The following BMP8A variants were observed in gnomAD, a reference collection of about 807,000 sequenced individuals.
BMP8A encodes the protein BMP-8A.
A neutral mutation model predicts 36.8 loss-of-function variants in BMP8A; 14 were observed. That is an observed-to-expected ratio of 0.38 (90% CI 0.25 to 0.60). The LOEUF is 0.60. Among genes scored for constraint, BMP8A ranks in the 20% least tolerant of loss-of-function variants. BMP8A has a pLI of 0.63. For synonymous variants in BMP8A, 120 were observed against 237.7 expected (o/e 0.50, Z 4.55); for missense variants, 267 against 551.1 (o/e 0.48, Z 5.16).
At chr1:39,517,010 G>GCAGGTT (rs1393952800) in intron 3 of BMP8A, among the ~76,000 whole-genome samples, 3 of 151,360 alleles carry the variant, frequency 2.0e-5, no homozygotes, top group Non-Finnish European at 4.4e-5. Flanking sequence ...TTTTTTTGAG[G>GCAGGTT]CAGGGTCTGG....
In BMP8A at chr1:39,515,769, G is replaced by A. The variant is rs543145851; in HGVS notation, c.673+3865G>A. The A allele has an allele frequency of 4.6e-5, 73 of 1,592,612 alleles. 5 individuals are homozygous for A. In the Middle Eastern group the frequency reaches 5.0e-4, roughly 11 times the overall value. On this transcript the variant is annotated intron_variant, in intron 3 of 6. Coordinates refer to ENST00000331593, the MANE Select transcript of BMP8A (RefSeq NM_181809.4). ...ATAAAGGGGCAGAAATACGAGAAAC[G>A]AATTGAGCGCTTAACGATCCGGAAA...
chr1:39,509,736 T>C (rs879037), intron 1 of BMP8A, among the ~76,000 whole-genome samples: 74,815 of 152,044 alleles, frequency 0.49, 19,581 homozygotes, highest in South Asian at 0.77. Context: ...CAAACCTGAC[T>C]GTGGTCACTG....
rs1255748819 is a variant in BMP8A at position 39,529,325 on chromosome 1, C to T, written c.*3527C>T. ...CTATGCTTTTCATCAAAAACCTAAA[C>T]GTGATCATCTCTTGGATGAGGTGTG... On this transcript the variant is annotated 3_prime_UTR_variant, in exon 7 of 7. Transcript: ENST00000331593. Among the ~76,000 whole-genome samples, 2 of 152,240 alleles carry T rather than the reference C, an allele frequency of 1.3e-5. No individual in the cohort carries two copies. Among genetic ancestry groups the T allele is most frequent in the Non-Finnish European group, 2.9e-5 (2 of 68,046 alleles).
At chr1:39,506,497 G>A (rs574838935) in intron 1 of BMP8A, among the ~76,000 whole-genome samples, 176 of 151,806 alleles carry the variant, frequency 1.2e-3, no homozygotes, top group African/African-American at 4.0e-3. Flanking sequence ...GTGAGCCACC[G>A]CGCCCCCCCC....
At chr1:39,496,077 C>T (rs1645202700) in intron 1 of BMP8A, among the ~76,000 whole-genome samples, 3 of 152,216 alleles carry the variant, frequency 2.0e-5, no homozygotes, top group Admixed American at 2.0e-4. Context: ...CCCTTGCCAG[C>T]CGTGTGACCT....
intron 6 of BMP8A, chr1:39,523,548 G>A (rs1333094746): frequency 5.1e-6 from 7 of 1,383,670 alleles, no homozygotes; most frequent in Non-Finnish European, 6.6e-6. Context: ...GGGTGTGCGT[G>A]TGCACTCACC....
At chr1:39,507,690 G>A (rs1645313699) in intron 1 of BMP8A, among the ~76,000 whole-genome samples, 1 of 152,220 alleles carries the variant, frequency 6.6e-6, no homozygotes, top group East Asian at 1.9e-4. Context: ...GGTTCTATGG[G>A]AAGGTGGGGG....
chr1:39,508,736 GAAAGGGC>G (rs1434357379), intron 1 of BMP8A, among the ~76,000 whole-genome samples: 1 of 152,198 alleles, frequency 6.6e-6, no homozygotes, highest in Admixed American at 6.5e-5. Context: ...CTCCAGCAAA[GAAAGGGC>G]ACTCCCTTTG....
At chr1:39,506,632 A>C (rs2124342944) in intron 1 of BMP8A, among the ~76,000 whole-genome samples, 1 of 152,332 alleles carries the variant, frequency 6.6e-6, no homozygotes, top group Non-Finnish European at 1.5e-5. Flanking sequence ...AGATCTAAAT[A>C]ATCCTAAAGT....
chr1:39,505,985 CCAA>C (rs1259381274), intron 1 of BMP8A, among the ~76,000 whole-genome samples: 12 of 93,908 alleles, frequency 1.3e-4, no homozygotes, highest in Admixed American at 8.4e-4. Context: ...GACCCTGTCT[CCAA>C]AAAAAAAAAA....
chr1:39,491,852 C>A lies in BMP8A; in HGVS notation c.-140C>A. On this transcript the variant is annotated 5_prime_UTR_variant, in exon 1 of 7. Transcript: ENST00000331593. ...TGCGCGCGGGGGGCGCTCCAGGGACCGCGCTGAGGCCGCAGACGCCGCCCG... is the reference window on the plus strand; with the variant it reads ...TGCGCGCGGGGGGCGCTCCAGGGACAGCGCTGAGGCCGCAGACGCCGCCCG... 1.3e-6 allele frequency: 1 copy of A among 761,308 alleles called. No individual in the cohort carries two copies. Among genetic ancestry groups the A allele is most frequent in the South Asian group, 6.0e-5 (1 of 16,602 alleles). 47.2% of individuals were successfully genotyped at this position (761,308 alleles called of 1,614,324 possible). A position where few individuals can be genotyped will look rare whatever the true frequency, so the allele number is the denominator to read the frequency against.
intron 1 of BMP8A, among the ~76,000 whole-genome samples, chr1:39,503,890 A>G (rs1645275365): frequency 6.6e-6 from 1 of 152,112 alleles, no homozygotes; most frequent in African/African-American, 2.4e-5. Context: ...GCAGTAAGCT[A>G]TAATCACACC....
intron 1 of BMP8A, among the ~76,000 whole-genome samples, chr1:39,507,531 G>A (rs986967955): frequency 6.6e-6 from 1 of 152,194 alleles, no homozygotes; most frequent in East Asian, 1.9e-4. Flanking sequence ...GGAGCCCAGC[G>A]AGGAGTCAGG....
chr1:39,495,031 G>C (rs1219082916), intron 1 of BMP8A, among the ~76,000 whole-genome samples: 1 of 151,570 alleles, frequency 6.6e-6, no homozygotes, highest in African/African-American at 2.4e-5. Flanking sequence ...GGGTGGGTGG[G>C]GGGTGGATAG....
rs1438788655 is a variant in BMP8A, at chr1:39,513,723, G to A, written c.673+1819G>A. Reference sequence around the variant, plus strand: ...TCATGGAAATGCCATTACAGGGACCGGTGAGCGTGAAGACCCAGGCGAGGG... The same window carrying A: ...TCATGGAAATGCCATTACAGGGACCAGTGAGCGTGAAGACCCAGGCGAGGG... On this transcript the variant is annotated intron_variant, in intron 3 of 6. Transcript: ENST00000331593. 6.6e-5 allele frequency among the ~76,000 whole-genome samples: 10 copies of A among 151,862 alleles called. 1 individual carries two copies. Among genetic ancestry groups the A allele is most frequent in the Non-Finnish European group, 1.2e-4 (8 of 67,924 alleles).
intron 6 of BMP8A, 134 bp from the exon 7 acceptor site, chr1:39,525,515 C>T: frequency 8.1e-7 from 1 of 1,230,212 alleles, no homozygotes; most frequent in Non-Finnish European, 1.1e-6. Flanking sequence ...GTTAATAATT[C>T]TTATTATTGT....
intron 1 of BMP8A, among the ~76,000 whole-genome samples, chr1:39,508,530 ACC>A (rs1645323127): frequency 6.6e-6 from 1 of 152,192 alleles, no homozygotes; most frequent in African/African-American, 2.4e-5. Context: ...CGGGACTGGG[ACC>A]AGGAGCCCAG....
chr1:39,496,722 T>G (rs2124311541), intron 1 of BMP8A, among the ~76,000 whole-genome samples: 1 of 152,264 alleles, frequency 6.6e-6, no homozygotes, highest in South Asian at 2.1e-4. Flanking sequence ...TCCCCCTGCC[T>G]CCATGTGAAA....
intron 6 of BMP8A, among the ~76,000 whole-genome samples, chr1:39,525,401 C>T (rs1459784592): frequency 4.6e-5 from 7 of 152,268 alleles, no homozygotes; most frequent in East Asian, 1.9e-4. Context: ...CATTAGTGCC[C>T]TGCCCACCTG....
Sources: allele counts gnomAD v4.1 joint callset (sites outside exome capture counted in the v4.1 genomes callset), GRCh38; gene constraint gnomAD v4.1.1; transcripts MANE v1.5; gene names NCBI Gene and HGNC (gene_info 2026-07-23, HGNC 2026-07-21).